Variants in PCDHGA10 observed in about 807,000 individuals in gnomAD.
The protein encoded by PCDHGA10 is protocadherin gamma subfamily A, 10.
In PCDHGA10, 42 loss-of-function variants were observed where a neutral mutation model predicts 59.5. The ratio of observed to expected loss-of-function variants is 0.71; its 90% CI spans 0.55 to 0.91. The LOEUF is 0.91. Among genes scored for constraint, PCDHGA10 ranks in the 40% least tolerant of loss-of-function variants. PCDHGA10 has a pLI of 0.00. For missense variants in PCDHGA10, 1,111 were observed against 1,198.2 expected, an observed-to-expected ratio of 0.93 and a Z score of 1.07; for synonymous variants, 511 against 517.2, an observed-to-expected ratio of 0.99 and a Z score of 0.16.
chr5:141,422,556 G>T, intron 1 of PCDHGA10: 1 of 1,613,908 alleles, frequency 6.2e-7, no homozygotes, highest in South Asian at 1.1e-5. Context: ...GGCTGAATGT[G>T]GCAGATGACA....
chr5:141,469,880 C>T (rs774827232), intron 1 of PCDHGA10, among the ~76,000 whole-genome samples: 7 of 152,210 alleles, frequency 4.6e-5, no homozygotes, highest in East Asian at 1.9e-4. Flanking sequence ...CCTGTAATCT[C>T]GGCACTTTGG....
At position 141,489,063 on chromosome 5, in the gene PCDHGA10, C is replaced by A; in HGVS notation, c.2437-5744C>A. ...CTCCACTCAAATTCAGCTCCCCTCC[C>A]CCCTGCCCACCCCCGCCACTCGGTG... On this transcript the variant is annotated intron_variant, in intron 1 of 3. Coordinates refer to ENST00000398610, the MANE Select transcript of PCDHGA10 (RefSeq NM_018913.3). This position sits in a 1 kb window ranked among gnomAD's most constrained non-coding sequence, Gnocchi z 4.5. 2.6e-6 allele frequency: 1 copy of A among 384,986 alleles called. No individual in the cohort carries two copies. Among genetic ancestry groups the A allele is most frequent in the East Asian group, 4.5e-5 (1 of 22,374 alleles). 23.8% of individuals were successfully genotyped at this position (384,986 alleles called of 1,614,324 possible). A position where few individuals can be genotyped will look rare whatever the true frequency, so the allele number is the denominator to read the frequency against.
chr5:141,472,980 C>CAAAAAAAAAAAAAAAAAAAGAAAAAAAAA (rs60579131), intron 1 of PCDHGA10, among the ~76,000 whole-genome samples: 1 of 86,106 alleles, frequency 1.2e-5, no homozygotes, highest in Admixed American at 1.2e-4. Context: ...GAGTGAAACT[C>CAAAAAAAAAAAAAAAAAAAGAAAAAAAAA]AAAAAAAAAA....
At chr5:141,502,291 G>A (rs1346186675) in intron 2 of PCDHGA10, among the ~76,000 whole-genome samples, 1 of 151,370 alleles carries the variant, frequency 6.6e-6, no homozygotes, top group African/African-American at 2.5e-5. Context: ...GCATTTGGTT[G>A]TCACGTCTTT....
chr5:141,437,719 TA>T (rs1316054877), intron 1 of PCDHGA10, among the ~76,000 whole-genome samples: 1 of 151,332 alleles, frequency 6.6e-6, no homozygotes, highest in African/African-American at 2.4e-5. Context: ...AGTTACCCTC[TA>T]ATGTTACACT....
chr5:141,509,132 G>A (rs1261849657), intron 3 of PCDHGA10, among the ~76,000 whole-genome samples: 1 of 152,150 alleles, frequency 6.6e-6, no homozygotes, highest in Admixed American at 6.5e-5. Flanking sequence ...GAGAAAAACC[G>A]AGGCGCATCC....
chr5:141,438,733 C>T (rs2098057443), intron 1 of PCDHGA10, among the ~76,000 whole-genome samples: 1 of 149,042 alleles, frequency 6.7e-6, no homozygotes, highest in Non-Finnish European at 1.5e-5. Context: ...GTGATCTCAG[C>T]TCACTGCAAC....
At chr5:141,420,254 G>C (rs186977117) in intron 1 of PCDHGA10, 3 of 1,569,172 alleles carry the variant, frequency 1.9e-6, no homozygotes, top group Admixed American at 3.8e-5. Context: ...CGTTGAAGCA[G>C]ATAAGAAGAT....
chr5:141,428,098 A>C (rs1387848300), intron 1 of PCDHGA10: 1 of 1,608,664 alleles, frequency 6.2e-7, no homozygotes, highest in South Asian at 1.1e-5. Context: ...CTGTCCTACC[A>C]CGTGCTGCAG....
Position 141,511,132 on chromosome 5 carries a change from A to G in PCDHGA10, c.2770A>G (p.Asn924Asp). The change falls in exon 4 of 4, where the codon AAT (asparagine) becomes GAT (aspartate). Residue 924 changes from asparagine to aspartate, a missense_variant. Coordinates refer to ENST00000398610, the MANE Select transcript of PCDHGA10 (RefSeq NM_018913.3). ...GGATGGCAAGGCCCCAGCAGGTGGC[A>G]ATGGCAACAAGAAGAAGTCGGGCAA... ...KRDGKAPAGG[N>D]GNKKKSGKKE... is the part of the protein sequence containing the mutation. The G allele has an allele frequency of 6.2e-7, 1 of 1,614,218 alleles. No individual in the cohort carries two copies. Among genetic ancestry groups the G allele is most frequent in the Non-Finnish European group, 8.5e-7 (1 of 1,180,018 alleles).
At chr5:141,450,152 A>G (rs958894990) in intron 1 of PCDHGA10, among the ~76,000 whole-genome samples, 1 of 151,132 alleles carries the variant, frequency 6.6e-6, no homozygotes, top group East Asian at 2.0e-4. Context: ...GACTACAGGC[A>G]TGTGCCACCA....
rs2099745664 is a variant in PCDHGA10 at position 141,493,015 on chromosome 5, T to A, written c.2437-1792T>A. Among the ~76,000 whole-genome samples, 1 of 152,238 alleles carries A rather than the reference T, an allele frequency of 6.6e-6. No homozygotes were observed. The highest frequency in any genetic ancestry group is 1.5e-5 in the Non-Finnish European group (1 of 68,040). ...ATGGAAAGCTATAGGCTCTGCCAGA[T>A]GCCAGGGTGCCCTTATGTGTGAGGA... On this transcript the variant is annotated intron_variant, in intron 1 of 3. Transcript: ENST00000398610. The surrounding 1 kb of genome is among the most constrained non-coding windows in gnomAD (Gnocchi z 4.3).
intron 1 of PCDHGA10, among the ~76,000 whole-genome samples, chr5:141,439,449 G>A (rs761506247): frequency 4.6e-5 from 7 of 152,184 alleles, no homozygotes; most frequent in Admixed American, 3.9e-4. Context: ...TATTGCGGGA[G>A]CAAGACTGCA....
intron 1 of PCDHGA10, among the ~76,000 whole-genome samples, chr5:141,448,043 G>A (rs1000669754): frequency 3.3e-5 from 5 of 151,870 alleles, no homozygotes; most frequent in African/African-American, 1.2e-4. Context: ...CCAAGATCAT[G>A]CCATTGCTCT....
intron 1 of PCDHGA10, chr5:141,421,961 A>G: frequency 6.2e-7 from 1 of 1,612,542 alleles, no homozygotes; most frequent in Non-Finnish European, 8.5e-7. Context: ...ATGTTTACAC[A>G]GTCCGTATAT....
Position 141,414,903 on chromosome 5 carries a change from C to A in PCDHGA10, c.1728C>A (p.Ser576=). ...ILYPALPTDG[S]TGVELAPRSA... ...ACCCCGCCCTCCCCACAGACGGTTC[C>A]ACAGGCGTGGAGCTGGCGCCCCGCT... Residue 576 remains serine (S), a synonymous_variant, in exon 1 of 4, where the codon TCC becomes TCA. Transcript: ENST00000398610. The A allele has an allele frequency of 1.2e-6, 2 of 1,614,218 alleles. No individual in the cohort carries two copies. Among genetic ancestry groups the A allele is most frequent in the Non-Finnish European group, 1.7e-6 (2 of 1,180,046 alleles).
At chr5:141,427,529 G>A (rs1464520351) in intron 1 of PCDHGA10, 1 of 619,898 alleles carries the variant, frequency 1.6e-6, no homozygotes, top group African/African-American at 1.8e-5. Context: ...GGATCCCGGA[G>A]TACAACGTCA....
chr5:141,494,897 C>T (rs1194879883), intron 2 of PCDHGA10, 32 bp downstream of exon 2: 2 of 1,614,122 alleles, frequency 1.2e-6, no homozygotes, highest in South Asian at 2.2e-5. Flanking sequence ...CCACCCTCTT[C>T]TCTGCGGCAT....
At chr5:141,440,472 A>C (rs913774913) in intron 1 of PCDHGA10, 6 of 152,322 alleles carry the variant, frequency 3.9e-5, no homozygotes, top group Admixed American at 3.9e-4. Flanking sequence ...ACGGTAGTTG[A>C]AAATTCTTTA....
Sources: allele counts gnomAD v4.1 joint callset (sites outside exome capture counted in the v4.1 genomes callset), GRCh38; gene constraint gnomAD v4.1.1; non-coding constraint Gnocchi (gnomAD v3.1); transcripts MANE v1.5; gene names NCBI Gene and HGNC (gene_info 2026-07-23, HGNC 2026-07-21).